Variants in SSBP3 observed in about 807,000 individuals in gnomAD.
SSBP3 encodes the protein single stranded DNA binding protein 3.
Under a neutral mutation model 69.6 loss-of-function variants are expected in SSBP3, and 5 were observed. The observed-to-expected ratio is 0.07, with a 90% CI of 0.04 to 0.15. The LOEUF (loss-of-function observed/expected upper bound fraction) is 0.15, where lower values mean the gene tolerates loss of function less well. Ranked by LOEUF, SSBP3 falls within the 10% of genes least tolerant of loss-of-function variation. The probability of loss-of-function intolerance (pLI) is 1.00; values close to 1 mark genes in which losing one functional copy is unlikely to be tolerated. For synonymous variants in SSBP3, 196 were observed against 193.4 expected (o/e 1.01, Z -0.11); for missense variants, 312 against 534.0 (o/e 0.58, Z 4.10).
At chr1:54,349,984 C>T (rs1323658633) in intron 4 of SSBP3, among the ~76,000 whole-genome samples, 3 of 152,244 alleles carry the variant, frequency 2.0e-5, no homozygotes, top group East Asian at 3.9e-4. Context: ...CAAATTAAAC[C>T]GCTCTAAACC....
chr1:54,311,296 A>G (rs139113982), intron 4 of SSBP3, among the ~76,000 whole-genome samples: 1 of 152,266 alleles, frequency 6.6e-6, no homozygotes, highest in Non-Finnish European at 1.5e-5. Flanking sequence ...GGAAGGGCTG[A>G]GATGGAGTGT....
chr1:54,239,298 C>CA, intron 13 of SSBP3, 99 bp from the exon 14 acceptor site: 2 of 932,282 alleles, frequency 2.1e-6, no homozygotes, highest in Non-Finnish European at 3.2e-6. Flanking sequence ...ATTTTATAAC[C>CA]TAAAATTTCC....
At chr1:54,302,117 T>C (rs1305385750) in intron 4 of SSBP3, among the ~76,000 whole-genome samples, 3 of 152,216 alleles carry the variant, frequency 2.0e-5, no homozygotes, top group East Asian at 1.9e-4. Context: ...CATCGTCCCA[T>C]GTGCGCAAGG....
intron 4 of SSBP3, among the ~76,000 whole-genome samples, chr1:54,301,400 G>A (rs983199307): frequency 1.3e-5 from 2 of 152,194 alleles, no homozygotes; most frequent in Admixed American, 1.3e-4. Context: ...CATCCGGACT[G>A]TGCTGTACCC....
intron 4 of SSBP3, among the ~76,000 whole-genome samples, chr1:54,389,146 T>C (rs1420397915): frequency 1.3e-5 from 2 of 152,198 alleles, no homozygotes; most frequent in Non-Finnish European, 2.9e-5. Flanking sequence ...TTGGTTCCCC[T>C]GAGCTGATGA....
In SSBP3 at chr1:54,243,287, C is replaced by T. The variant is rs151118225; in HGVS notation, c.664G>A (p.Gly222Ser). The change falls in exon 10 of 18, where the codon GGC (glycine) becomes AGC (serine). Residue 222 changes from glycine (G) to serine (S), a missense_variant. This residue lies in a region of SSBP3 where 134 missense variants were observed against 212.1 expected (regional missense o/e 0.63). Coordinates refer to ENST00000610401, the Ensembl canonical transcript of SSBP3. ...AGGGAGTTGGGTGGTGGTCTCATGCCGCTGCCGTAATTCTGCAACGATAAC... is the reference window on the plus strand; with the variant it reads ...AGGGAGTTGGGTGGTGGTCTCATGCTGCTGCCGTAATTCTGCAACGATAAC... 105 of 1,613,842 alleles carry T rather than the reference C, an allele frequency of 6.5e-5. No individual in the cohort carries two copies. Among genetic ancestry groups the T allele is most frequent in the Admixed American group, 1.2e-4 (7 of 59,980 alleles).
intron 5 of SSBP3, among the ~76,000 whole-genome samples, chr1:54,261,650 G>GGTTCCTCT (rs1204684969): frequency 1.3e-5 from 2 of 152,198 alleles, no homozygotes; most frequent in Non-Finnish European, 2.9e-5. Flanking sequence ...AACCCAAAAT[G>GGTTCCTCT]GGTGCATCTG....
chr1:54,305,381 T>C (rs1645880494), intron 4 of SSBP3, among the ~76,000 whole-genome samples: 1 of 152,146 alleles, frequency 6.6e-6, no homozygotes, highest in Non-Finnish European at 1.5e-5. Context: ...CACCATTTTC[T>C]ATGATGAGAC....
At chr1:54,264,207 T>G (rs1645063433) in intron 5 of SSBP3, among the ~76,000 whole-genome samples, 1 of 151,904 alleles carries the variant, frequency 6.6e-6, no homozygotes, top group Admixed American at 6.6e-5. Flanking sequence ...GAGACAGAGG[T>G]GGGAGGATCC....
chr1:54,315,806 C>T (rs1455688314), intron 4 of SSBP3, among the ~76,000 whole-genome samples: 1 of 152,090 alleles, frequency 6.6e-6, no homozygotes, highest in Non-Finnish European at 1.5e-5. Flanking sequence ...AGACTACAGG[C>T]TCACGCTACT....
At chr1:54,407,748 GATTTT>G (rs769632352), upstream of SSBP3, among the ~76,000 whole-genome samples, 1 of 86,352 alleles carries the variant, frequency 1.2e-5, no homozygotes, top group Admixed American at 1.5e-4. Context: ...AGCCTAGGTT[GATTTT>G]TTTTTTTTTT....
intron 4 of SSBP3, among the ~76,000 whole-genome samples, chr1:54,286,028 A>G (rs778242746): frequency 6.6e-6 from 1 of 152,186 alleles, no homozygotes; most frequent in Non-Finnish European, 1.5e-5. Flanking sequence ...GTCTGGAAAC[A>G]GCAGCTCTTC....
intron 4 of SSBP3, among the ~76,000 whole-genome samples, chr1:54,355,838 T>A (rs1472749976): frequency 6.6e-6 from 1 of 152,154 alleles, no homozygotes; most frequent in Non-Finnish European, 1.5e-5. Flanking sequence ...CACCTCCCGC[T>A]TTGTGCGAGG....
chr1:54,292,671 C>T (rs1645629530), intron 4 of SSBP3, among the ~76,000 whole-genome samples: 1 of 152,168 alleles, frequency 6.6e-6, no homozygotes, highest in Non-Finnish European at 1.5e-5. Context: ...TCCCAGCCCT[C>T]AGGGCTCTGA....
chr1:54,397,663 G>A (rs931548781), intron 4 of SSBP3, among the ~76,000 whole-genome samples: 6 of 152,136 alleles, frequency 3.9e-5, no homozygotes, highest in Non-Finnish European at 7.3e-5. Flanking sequence ...GGCAAGCAAG[G>A]AAAATTCATC....
At chr1:54,277,792 T>G (rs1340793313) in intron 5 of SSBP3, among the ~76,000 whole-genome samples, 1 of 152,144 alleles carries the variant, frequency 6.6e-6, no homozygotes, top group East Asian at 1.9e-4. Flanking sequence ...AGGACCACCT[T>G]AGGGCCAAGG....
intron 5 of SSBP3, among the ~76,000 whole-genome samples, chr1:54,260,890 C>T (rs1320988668): frequency 6.6e-6 from 1 of 152,244 alleles, no homozygotes; most frequent in Non-Finnish European, 1.5e-5. Context: ...AATGATACCA[C>T]ATTCTTGACA....
intron 4 of SSBP3, among the ~76,000 whole-genome samples, chr1:54,399,533 T>A (rs1046015307): frequency 7.2e-5 from 11 of 152,126 alleles, no homozygotes; most frequent in Non-Finnish European, 1.2e-4. Flanking sequence ...GTATAGGTGG[T>A]TTTTATAGAT....
At chr1:54,248,357 C>T (rs1440119594) in intron 9 of SSBP3, among the ~76,000 whole-genome samples, 1 of 152,218 alleles carries the variant, frequency 6.6e-6, no homozygotes, top group Non-Finnish European at 1.5e-5. Context: ...CCACAGGACA[C>T]CATGTGGGGA....
Sources: gnomAD v4.1 joint callset for allele counts (sites outside exome capture counted in the v4.1 genomes callset) on GRCh38, gnomAD v4.1.1 for gene constraint, gnomAD v4.1.1 regional missense constraint, MANE v1.5 for transcripts, NCBI Gene and HGNC (gene_info 2026-07-23, HGNC 2026-07-21) for gene names.